The following CFAP54 variants were observed in gnomAD, a reference collection of about 807,000 sequenced individuals.
CFAP54 encodes the protein cilia- and flagella-associated protein 54.
In CFAP54, 290 loss-of-function variants were observed where a neutral mutation model predicts 370.4. That is an observed-to-expected ratio of 0.78 (90% CI 0.71 to 0.86). The LOEUF is 0.86. CFAP54 is among the 40% of genes least tolerant of loss of function. CFAP54 has a pLI of 0.00. For missense variants in CFAP54, 3,399 were observed against 3,528.7 expected (o/e 0.96, Z 0.93); for synonymous variants, 1,206 against 1,236.5 (o/e 0.98, Z 0.52).
chr12:96,813,027 G>C (rs1158105204), intron 64 of CFAP54, among the ~76,000 whole-genome samples: 1 of 152,034 alleles, frequency 6.6e-6, no homozygotes, highest in Non-Finnish European at 1.5e-5. Context: ...ACAGGCTACA[G>C]ACCAGCATAG....
chr12:96,757,507 C>A lies in CFAP54; in HGVS notation c.7959C>A (p.Asp2653Glu). ...KNDQNSGLIRDSYLEMALLYF... is the reference protein window; with the variant it reads ...KNDQNSGLIRESYLEMALLYF... ...TATATCATTTTAGATTGATAAGAGA[C>A]TCCTACCTAGAAATGGCTCTATTGT... Residue 2653 changes from aspartate to glutamate, a missense_variant, in exon 58 of 68, where the codon GAC becomes GAA. Asp to Glu is a conservative substitution (Grantham distance 45). Transcript: ENST00000524981. 1 of 1,582,932 alleles carries A rather than the reference C, an allele frequency of 6.3e-7. No individual in the cohort carries two copies. Among genetic ancestry groups the A allele is most frequent in the Non-Finnish European group, 8.6e-7 (1 of 1,156,156 alleles).
chr12:96,731,508 G>A (rs1957918376), intron 50 of CFAP54, among the ~76,000 whole-genome samples: 1 of 152,186 alleles, frequency 6.6e-6, no homozygotes, highest in Admixed American at 6.5e-5. Flanking sequence ...AATGAGCCAA[G>A]TGAGTATGCC....
chr12:96,785,791 G>T (rs1958623192), intron 61 of CFAP54, among the ~76,000 whole-genome samples: 1 of 152,110 alleles, frequency 6.6e-6, no homozygotes. Context: ...AACTACTGAG[G>T]TTTGACCAGC....
At chr12:96,496,213 ATTAT>A (rs1225727803) in intron 1 of CFAP54, among the ~76,000 whole-genome samples, 1 of 152,246 alleles carries the variant, frequency 6.6e-6, no homozygotes, top group Non-Finnish European at 1.5e-5. Context: ...CTCAATCAAT[ATTAT>A]TTAATTACCC....
intron 19 of CFAP54, among the ~76,000 whole-genome samples, chr12:96,575,112 T>G (rs1409158638): frequency 6.6e-6 from 1 of 152,162 alleles, no homozygotes; most frequent in African/African-American, 2.4e-5. Context: ...TTTTCATCCC[T>G]AATGACTAAT....
At chr12:96,665,088 A>T (rs1192500454) in intron 39 of CFAP54, among the ~76,000 whole-genome samples, 2 of 138,258 alleles carry the variant, frequency 1.4e-5, no homozygotes, top group African/African-American at 2.8e-5. Context: ...GCTTTTTTTC[A>T]TATGATTGTT....
At chr12:96,652,922 CAATT>C (rs1432627797) in intron 36 of CFAP54, among the ~76,000 whole-genome samples, 3 of 152,336 alleles carry the variant, frequency 2.0e-5, no homozygotes, top group East Asian at 1.9e-4. Context: ...AGAAGAACCT[CAATT>C]AATCAGGAAG....
chr12:96,520,630 G>A (rs1490700556), intron 6 of CFAP54, among the ~76,000 whole-genome samples: 2 of 152,154 alleles, frequency 1.3e-5, no homozygotes, highest in Non-Finnish European at 2.9e-5. Flanking sequence ...GTGACACCTG[G>A]CTTGGTCAGT....
intron 17 of CFAP54, chr12:96,555,040 T>C: frequency 3.3e-6 from 1 of 302,244 alleles, no homozygotes; most frequent in Non-Finnish European, 6.0e-6. Context: ...TGTTTATTTG[T>C]GTTATAGTAA....
intron 5 of CFAP54, among the ~76,000 whole-genome samples, chr12:96,514,412 T>C (rs990961061): frequency 6.6e-6 from 1 of 152,228 alleles, no homozygotes; most frequent in African/African-American, 2.4e-5. Flanking sequence ...CTGTGCCAGC[T>C]TTCTGAGTGT....
intron 63 of CFAP54, among the ~76,000 whole-genome samples, chr12:96,797,657 A>T (rs1337879494): frequency 1.3e-5 from 2 of 152,024 alleles, no homozygotes; most frequent in African/African-American, 2.4e-5. Context: ...AGCCTGCTTT[A>T]TCTGATGCTA....
At chr12:96,589,383 T>C (rs1438436611) in intron 22 of CFAP54, 44 bp from the exon 23 acceptor site, 1 of 1,419,572 alleles carries the variant, frequency 7.0e-7, no homozygotes, top group Non-Finnish European at 9.5e-7. Context: ...AAAACATTCA[T>C]TCACGAATAA....
At chr12:96,756,382 A>G in intron 56 of CFAP54, 76 bp from the exon 57 acceptor site, 1 of 783,236 alleles carries the variant, frequency 1.3e-6, no homozygotes, top group Non-Finnish European at 2.0e-6. Context: ...CTGAATTTCC[A>G]GCATGAAATA....
intron 36 of CFAP54, among the ~76,000 whole-genome samples, chr12:96,652,308 A>G (rs148410961): frequency 6.6e-6 from 1 of 152,368 alleles, no homozygotes; most frequent in Non-Finnish European, 1.5e-5. Flanking sequence ...AAACGCATTG[A>G]AAATTAGTAA....
At chr12:96,690,453 C>A (rs1008608611) in intron 43 of CFAP54, among the ~76,000 whole-genome samples, 2 of 152,124 alleles carry the variant, frequency 1.3e-5, no homozygotes, top group Non-Finnish European at 2.9e-5. Flanking sequence ...GTGTGTTCAT[C>A]TTGTTTCTCC....
intron 1 of CFAP54, among the ~76,000 whole-genome samples, chr12:96,493,235 C>A (rs1954906161): frequency 6.6e-6 from 1 of 152,164 alleles, no homozygotes; most frequent in Non-Finnish European, 1.5e-5. Context: ...ATGTACTTGA[C>A]ACTGGTTACA....
At chr12:96,828,478 C>G (rs1322660879) in intron 65 of CFAP54, among the ~76,000 whole-genome samples, 2 of 152,130 alleles carry the variant, frequency 1.3e-5, no homozygotes, top group Non-Finnish European at 2.9e-5. Flanking sequence ...CTCATGCAGT[C>G]AATACTGATT....
chr12:96,653,408 ACTC>A, intron 36 of CFAP54, among the ~76,000 whole-genome samples: 1 of 152,172 alleles, frequency 6.6e-6, no homozygotes, highest in East Asian at 1.9e-4. Flanking sequence ...GTAAGACTGA[ACTC>A]TTGAAGAGTA....
chr12:96,845,641 G>A (rs1959321247), intron 66 of CFAP54, among the ~76,000 whole-genome samples: 1 of 152,208 alleles, frequency 6.6e-6, no homozygotes. Context: ...CTGCATTGCA[G>A]CCCAGCTTCT....
Sources: allele counts gnomAD v4.1 joint callset (sites outside exome capture counted in the v4.1 genomes callset), GRCh38; gene constraint gnomAD v4.1.1; transcripts MANE v1.5; gene names NCBI Gene and HGNC (gene_info 2026-07-23, HGNC 2026-07-21).